Variants in JADE1 observed in about 807,000 individuals in gnomAD.
JADE1 encodes jade family PHD finger 1.
A neutral mutation model predicts 81.8 loss-of-function variants in JADE1; 14 were observed. The observed-to-expected ratio is 0.17, with a 90% CI of 0.11 to 0.27. The LOEUF (loss-of-function observed/expected upper bound fraction) is 0.27, where lower values mean the gene tolerates loss of function less well. Ranked by LOEUF, JADE1 falls within the 10% of genes least tolerant of loss-of-function variation. The pLI is 1.00. For synonymous variants in JADE1, 353 were observed against 391.9 expected (o/e 0.90, Z 1.17); for missense variants, 690 against 1,047.9 (o/e 0.66, Z 4.71).
chr4:128,821,390 A>G (rs1727554429), intron 1 of JADE1, among the ~76,000 whole-genome samples: 1 of 152,266 alleles, frequency 6.6e-6, no homozygotes, highest in Non-Finnish European at 1.5e-5. Flanking sequence ...CCATAGGTGG[A>G]AGGAATGGCA....
In JADE1 at chr4:128,834,981, A is replaced by AT. The variant is rs778127974; in HGVS notation, c.52+3175dup. 2.7e-5 allele frequency among the ~76,000 whole-genome samples: 4 copies of AT among 150,442 alleles called. No individual in the cohort carries two copies. The East Asian group carries it at 5.9e-4, about 22-fold the overall frequency. ...GGCAACAAAGCGAGAACCCATCTCT[A>AT]TTTTAAAAAAAAAAAAAAATTCCAC... On this transcript the variant is annotated intron_variant, in intron 2 of 10. Coordinates refer to ENST00000226319, the MANE Select transcript of JADE1 (RefSeq NM_199320.4).
At chr4:128,830,272 C>T (rs140366713) in intron 1 of JADE1, among the ~76,000 whole-genome samples, 2 of 151,690 alleles carry the variant, frequency 1.3e-5, no homozygotes, top group East Asian at 1.9e-4. Context: ...GGGTCTCTGT[C>T]GCCCAGGCTG....
At position 128,857,465 on chromosome 4, in the gene JADE1, T is replaced by C. The variant is rs373639332; in HGVS notation, c.981+11T>C. ...GGGGCCTCTATACAGGTAATTAGCT[T>C]CCTAAGAATGGCTTCATTTTCCTTT... On this transcript the variant is annotated intron_variant, in intron 8 of 10. Transcript: ENST00000226319. 10 of 1,591,708 alleles carry C rather than the reference T, an allele frequency of 6.3e-6. No homozygotes were observed. In the Admixed American group the frequency reaches 1.7e-4, roughly 27 times the overall value.
intron 1 of JADE1, among the ~76,000 whole-genome samples, chr4:128,823,807 T>C (rs1468312662): frequency 6.6e-6 from 1 of 152,218 alleles, no homozygotes; most frequent in East Asian, 1.9e-4. Context: ...TTTTAGATTC[T>C]GTGAGCATAT....
At chr4:128,863,030 C>T (rs1269018190) in intron 9 of JADE1, 2 of 985,420 alleles carry the variant, frequency 2.0e-6, no homozygotes, top group East Asian at 1.1e-4. Context: ...GCTCAGCACG[C>T]TACAGATGTG....
At chr4:128,856,269 A>G (rs571802478) in intron 7 of JADE1, among the ~76,000 whole-genome samples, 1 of 152,300 alleles carries the variant, frequency 6.6e-6, no homozygotes, top group Admixed American at 6.5e-5. Context: ...TTGAGGAAAA[A>G]CTGAATCTTA....
At position 128,873,328 on chromosome 4, in the gene JADE1, A is replaced by G. The variant is rs1732350999; in HGVS notation, c.*1066A>G. On this transcript the variant is annotated 3_prime_UTR_variant, in exon 11 of 11. Transcript: ENST00000226319. ...AAAAGAGAAAAAAGCGAAATAGGTTATATTTTAAAAACAATAGAAAGGCAA... is the reference window on the plus strand; with the variant it reads ...AAAAGAGAAAAAAGCGAAATAGGTTGTATTTTAAAAACAATAGAAAGGCAA... 6.6e-6 allele frequency: 1 copy of G among 152,530 alleles called. No homozygotes were observed. The highest frequency in any genetic ancestry group is 2.4e-5 in the African/African-American group (1 of 41,390). 9.4% of individuals were successfully genotyped at this position (152,530 alleles called of 1,614,324 possible).
intron 1 of JADE1, among the ~76,000 whole-genome samples, chr4:128,830,531 G>T (rs750119079): frequency 2.6e-5 from 4 of 152,176 alleles, no homozygotes; most frequent in Non-Finnish European, 5.9e-5. Context: ...ACCATGCCCA[G>T]CCACATTTGC....
chr4:128,842,568 G>A (rs1350476509), intron 2 of JADE1, among the ~76,000 whole-genome samples: 1 of 152,164 alleles, frequency 6.6e-6, no homozygotes, highest in Non-Finnish European at 1.5e-5. Flanking sequence ...CCAAAGTGCT[G>A]GGATTACAGG....
chr4:128,820,114 ATTTCT>A (rs138703394), intron 1 of JADE1, among the ~76,000 whole-genome samples: 71,323 of 149,560 alleles, frequency 0.48, 20,071 homozygotes, highest in South Asian at 0.62. Flanking sequence ...TTTTGGGAAG[ATTTCT>A]TTTTTTTTTT....
At chr4:128,844,487 G>A (rs1729705236) in intron 3 of JADE1, among the ~76,000 whole-genome samples, 1 of 152,164 alleles carries the variant, frequency 6.6e-6, no homozygotes, top group Admixed American at 6.5e-5. Flanking sequence ...GGAATAGCAG[G>A]CTGCCTTTTT....
intron 1 of JADE1, among the ~76,000 whole-genome samples, chr4:128,831,230 T>C (rs969195566): frequency 5.3e-5 from 8 of 152,202 alleles, no homozygotes; most frequent in African/African-American, 1.9e-4. Flanking sequence ...TTTGTTTTGT[T>C]TCTTTCGCCT....
At chr4:128,829,036 C>A (rs1445052593) in intron 1 of JADE1, among the ~76,000 whole-genome samples, 1 of 152,114 alleles carries the variant, frequency 6.6e-6, no homozygotes, top group East Asian at 1.9e-4. Flanking sequence ...TTCCCTTTTC[C>A]CTTTTACCTC....
At chr4:128,851,623 T>C (rs994380699) in intron 5 of JADE1, among the ~76,000 whole-genome samples, 1 of 152,216 alleles carries the variant, frequency 6.6e-6, no homozygotes, top group African/African-American at 2.4e-5. Context: ...GATAAGCATT[T>C]AATAAAAAAT....
Position 128,873,105 on chromosome 4 carries a change from C to T in JADE1, c.*843C>T, listed in dbSNP as rs990773509. The T allele has an allele frequency of 1.6e-5, 5 of 319,620 alleles. No individual in the cohort carries two copies. Among genetic ancestry groups the T allele is most frequent in the African/African-American group, 1.1e-4 (5 of 46,398 alleles). The allele number at this position is 319,620 out of a possible 1,614,324, so 19.8% of individuals were successfully genotyped here. The stretch of plus-strand genomic sequence containing the variant: ...GGGATTTCCCTGGCCATTGCCAATA[C>T]CTGGCCATCTGGCTTCCAATAGTAC... On this transcript the variant is annotated 3_prime_UTR_variant, in exon 11 of 11. Coordinates refer to ENST00000226319, the MANE Select transcript of JADE1 (RefSeq NM_199320.4).
At chr4:128,824,855 A>T (rs1220685459) in intron 1 of JADE1, among the ~76,000 whole-genome samples, 1 of 152,190 alleles carries the variant, frequency 6.6e-6, no homozygotes, top group Admixed American at 6.5e-5. Context: ...ATGAGCCATA[A>T]GACAAAATCA....
chr4:128,872,220 CAGA>C lies in JADE1; in HGVS notation c.2490_2492del (p.Arg831del), dbSNP rs1732250167. ...GTATACACACCAGCAGCACTATCAG[CAGA>C]AGGACAGACATTATCAGGAGAAGCA... On this transcript the variant is annotated inframe_deletion, in exon 11 of 11. Transcript: ENST00000226319. 1 of 1,613,998 alleles carries C rather than the reference CAGA, an allele frequency of 6.2e-7. No individual in the cohort carries two copies. Among genetic ancestry groups the C allele is most frequent in the African/African-American group, 1.3e-5 (1 of 74,908 alleles).
chr4:128,872,948 T>A lies in JADE1; in HGVS notation c.*686T>A, dbSNP rs185868699. ...CTGCTGCTTGAAGCCTGTGAGTGGGTTGTGGATATGGGACTGGTGGAGAGT... is the reference window on the plus strand; with the variant it reads ...CTGCTGCTTGAAGCCTGTGAGTGGGATGTGGATATGGGACTGGTGGAGAGT... On this transcript the variant is annotated 3_prime_UTR_variant, in exon 11 of 11. Transcript: ENST00000226319. The A allele has an allele frequency of 2.2e-6, 1 of 455,652 alleles. No individual in the cohort carries two copies. The allele number at this position is 455,652 out of a possible 1,614,324, so 28.2% of individuals were successfully genotyped here.
At chr4:128,870,707 A>G (rs17013873) in intron 10 of JADE1, among the ~76,000 whole-genome samples, 3,420 of 152,354 alleles carry the variant, frequency 0.022, 110 homozygotes, top group African/African-American at 0.074. Context: ...TACGAAAAAC[A>G]TCAATTTAAC....
Sources: gnomAD v4.1 joint callset for allele counts (sites outside exome capture counted in the v4.1 genomes callset) on GRCh38, gnomAD v4.1.1 for gene constraint, MANE v1.5 for transcripts, NCBI Gene and HGNC (gene_info 2026-07-23, HGNC 2026-07-21) for gene names.